MGAT4C: variants seen among roughly 807,000 people sequenced by gnomAD.
The protein encoded by MGAT4C is alpha-1,3-mannosyl-glycoprotein 4-beta-N-acetylglucosaminyltransferase C.
In MGAT4C, 19 loss-of-function variants were observed where a neutral mutation model predicts 40.1. That is an observed-to-expected ratio of 0.47 (90% CI 0.33 to 0.70). The LOEUF (loss-of-function observed/expected upper bound fraction) is 0.70, where lower values mean the gene tolerates loss of function less well. MGAT4C is among the 30% of genes least tolerant of loss of function. MGAT4C has a pLI of 0.02. For synonymous variants in MGAT4C, 181 were observed against 187.1 expected (o/e 0.97, Z 0.27); for missense variants, 491 against 563.2 (o/e 0.87, Z 1.30).
intron 2 of MGAT4C, among the ~76,000 whole-genome samples, chr12:86,586,749 C>T (rs1301921884): frequency 6.6e-6 from 1 of 151,004 alleles, no homozygotes; most frequent in African/African-American, 2.4e-5. Context: ...TAAATGTCTT[C>T]TTTTGAGAAG....
At chr12:86,625,909 A>C (rs1593055861) in intron 2 of MGAT4C, among the ~76,000 whole-genome samples, 1 of 152,294 alleles carries the variant, frequency 6.6e-6, no homozygotes, top group South Asian at 2.1e-4. Context: ...CATTAAATGT[A>C]AATGGACCAA....
At chr12:86,070,412 A>C (rs1894973747) in intron 1 of MGAT4C, among the ~76,000 whole-genome samples, 1 of 152,044 alleles carries the variant, frequency 6.6e-6, no homozygotes, top group South Asian at 2.1e-4. Flanking sequence ...AATACTTATA[A>C]AAATATTTGT....
intron 2 of MGAT4C, among the ~76,000 whole-genome samples, chr12:86,508,719 T>G (rs1958517425): frequency 6.7e-6 from 1 of 148,224 alleles, no homozygotes; most frequent in South Asian, 2.2e-4. Context: ...CTCCAGCACC[T>G]GTTGTTTCCT....
intron 2 of MGAT4C, among the ~76,000 whole-genome samples, chr12:86,041,867 G>A (rs747540996): frequency 5.3e-5 from 8 of 152,140 alleles, no homozygotes; most frequent in Admixed American, 2.0e-4. Flanking sequence ...GAATATCTTC[G>A]TTAGTTTTCT....
At chr12:86,517,219 A>G (rs1461254241) in intron 2 of MGAT4C, among the ~76,000 whole-genome samples, 2 of 152,218 alleles carry the variant, frequency 1.3e-5, no homozygotes, top group Non-Finnish European at 2.9e-5. Context: ...TGATGGCCAC[A>G]CAGTTTTGTG....
chr12:86,194,489 T>C (rs987661258), intron 1 of MGAT4C, among the ~76,000 whole-genome samples: 1 of 151,670 alleles, frequency 6.6e-6, no homozygotes, highest in Non-Finnish European at 1.5e-5. Context: ...AGTTTCACTC[T>C]TGTCGCCCAG....
At chr12:86,377,112 G>C (rs1955843285) in intron 3 of MGAT4C, among the ~76,000 whole-genome samples, 1 of 147,968 alleles carries the variant, frequency 6.8e-6, no homozygotes, top group Non-Finnish European at 1.5e-5. Flanking sequence ...CCAGGCTAGA[G>C]TGCAATGGCA....
At position 85,979,525 on chromosome 12, in the gene MGAT4C, G is replaced by A. The variant is rs1884287928; in HGVS notation, c.1201C>T (p.Arg401Trp). The A allele has an allele frequency of 4.3e-6, 7 of 1,611,684 alleles. No individual in the cohort carries two copies. Among genetic ancestry groups the A allele is most frequent in the Non-Finnish European group, 5.1e-6 (6 of 1,178,546 alleles). ...CCATGATGCAAAATATCATTTTGCC[G>A]ATCTTCTGTTCCAGTATTTACTTTA... is the stretch of plus-strand genomic sequence containing the variant. ...KIKVNTGTED[R>W]QNDILHHGAL... Residue 401 changes from arginine to tryptophan, a missense_variant, in exon 5 of 5, where the codon CGG becomes TGG. Arg to Trp is a moderately radical substitution (Grantham distance 101). Transcript: ENST00000611864.
At chr12:86,491,204 G>T (rs1238503871) in intron 2 of MGAT4C, among the ~76,000 whole-genome samples, 7 of 152,016 alleles carry the variant, frequency 4.6e-5, no homozygotes, top group South Asian at 4.1e-4. Flanking sequence ...ACAGCCGAAT[G>T]CTACCAGAGG....
At chr12:86,642,054 C>G (rs991062912) in intron 2 of MGAT4C, among the ~76,000 whole-genome samples, 1 of 151,548 alleles carries the variant, frequency 6.6e-6, no homozygotes, top group Non-Finnish European at 1.5e-5. Context: ...AATGCAAGAA[C>G]GAAATAGGAA....
At chr12:86,200,407 T>C (rs769987160) in intron 1 of MGAT4C, among the ~76,000 whole-genome samples, 22 of 152,152 alleles carry the variant, frequency 1.4e-4, no homozygotes, top group Non-Finnish European at 2.8e-4. Flanking sequence ...AGCTGCATTA[T>C]GGTGCTTTGT....
chr12:86,022,647 C>T (rs571604765), intron 2 of MGAT4C: 2 of 152,212 alleles, frequency 1.3e-5, no homozygotes, highest in African/African-American at 2.4e-5. Flanking sequence ...CCCAACAGTT[C>T]GAGGTTGAGC....
At chr12:86,756,076 TG>T (rs1389366522) in intron 1 of MGAT4C, among the ~76,000 whole-genome samples, 1 of 152,124 alleles carries the variant, frequency 6.6e-6, no homozygotes, top group African/African-American at 2.4e-5. Flanking sequence ...TTAGTCAGTT[TG>T]GGTTGCCATA....
At chr12:86,359,960 A>G (rs1039244793) in intron 3 of MGAT4C, among the ~76,000 whole-genome samples, 1 of 152,136 alleles carries the variant, frequency 6.6e-6, no homozygotes, top group Non-Finnish European at 1.5e-5. Context: ...TAAAGAGGGA[A>G]TCCTCCCTAA....
chr12:86,766,517 C>T (rs1229518771), intron 1 of MGAT4C, among the ~76,000 whole-genome samples: 1 of 151,996 alleles, frequency 6.6e-6, no homozygotes, highest in Non-Finnish European at 1.5e-5. Flanking sequence ...ACCAAGCAGA[C>T]CTAATAGACA....
chr12:86,829,489 A>G (rs1219574345), intron 1 of MGAT4C, among the ~76,000 whole-genome samples: 1 of 151,540 alleles, frequency 6.6e-6, no homozygotes, highest in Admixed American at 6.6e-5. Flanking sequence ...TTTCTACAAA[A>G]TTTAAGGTCC....
chr12:86,274,640 AT>A (rs2136111032), intron 4 of MGAT4C, among the ~76,000 whole-genome samples: 2 of 152,342 alleles, frequency 1.3e-5, no homozygotes, highest in East Asian at 3.9e-4. Flanking sequence ...GGAATGTTCC[AT>A]AATTAAGTTT....
chr12:85,993,308 G>T (rs748647563), intron 2 of MGAT4C, among the ~76,000 whole-genome samples: 1 of 152,220 alleles, frequency 6.6e-6, no homozygotes. Context: ...CAGGGATGGG[G>T]AGGAGTTGGA....
chr12:86,668,325 C>T (rs559241601), intron 2 of MGAT4C, among the ~76,000 whole-genome samples: 2 of 152,236 alleles, frequency 1.3e-5, no homozygotes, highest in South Asian at 2.1e-4. Context: ...CCTGTGATGG[C>T]GTCTGGCAGA....
Sources: gnomAD v4.1 joint callset for allele counts (sites outside exome capture counted in the v4.1 genomes callset) on GRCh38, gnomAD v4.1.1 for gene constraint, MANE v1.5 for transcripts, NCBI Gene and HGNC (gene_info 2026-07-23, HGNC 2026-07-21) for gene names.